The following GPC6 variants were observed in gnomAD, a reference collection of about 807,000 sequenced individuals.
The protein encoded by GPC6 is glypican-6.
A neutral mutation model predicts 55.2 loss-of-function variants in GPC6; 14 were observed. The observed-to-expected ratio is 0.25, with a 90% confidence interval of 0.17 to 0.40. The LOEUF is 0.40. GPC6 is among the 10% of genes least tolerant of loss of function. The pLI is 1.00. For synonymous variants in GPC6, 278 were observed against 259.6 expected (o/e 1.07, Z -0.68); for missense variants, 641 against 708.5 (o/e 0.90, Z 1.08).
At chr13:93,387,723 T>A (rs898165168) in intron 1 of GPC6, among the ~76,000 whole-genome samples, 9 of 152,186 alleles carry the variant, frequency 5.9e-5, no homozygotes, top group Non-Finnish European at 1.3e-4. Flanking sequence ...TGTAAAATGC[T>A]ATTAATTTGC....
chr13:93,606,123 CT>C (rs1230711534), intron 2 of GPC6, among the ~76,000 whole-genome samples: 1 of 152,108 alleles, frequency 6.6e-6, no homozygotes, highest in African/African-American at 2.4e-5. Flanking sequence ...TTCCATTTTA[CT>C]TTGTACTTGT....
chr13:93,375,122 A>G (rs1430800609), intron 1 of GPC6, among the ~76,000 whole-genome samples: 1 of 152,122 alleles, frequency 6.6e-6, no homozygotes, highest in Non-Finnish European at 1.5e-5. Flanking sequence ...CTCCTCTCCA[A>G]TATGGTATCA....
At chr13:93,923,786 A>G (rs1877700732) in intron 3 of GPC6, among the ~76,000 whole-genome samples, 1 of 152,340 alleles carries the variant, frequency 6.6e-6, no homozygotes, top group Middle Eastern at 3.4e-3. Context: ...TACTTTACAC[A>G]ATTACTGTCA....
intron 2 of GPC6, among the ~76,000 whole-genome samples, chr13:93,715,642 A>T (rs946742230): frequency 2.6e-5 from 4 of 151,688 alleles, no homozygotes; most frequent in Non-Finnish European, 5.9e-5. Flanking sequence ...ACAGAGAAAG[A>T]TATCAGTTTC....
upstream of GPC6, chr13:93,226,803 CCCT>C (rs1875801606): frequency 6.6e-6 from 1 of 152,436 alleles, no homozygotes; most frequent in East Asian, 1.9e-4. Flanking sequence ...TCTTTCTCCC[CCCT>C]CCTTTCTCCT....
chr13:93,238,841 A>C (rs1300916240), intron 1 of GPC6, among the ~76,000 whole-genome samples: 1 of 152,130 alleles, frequency 6.6e-6, no homozygotes, highest in Non-Finnish European at 1.5e-5. Context: ...TCATCTGCTA[A>C]AATGACCATA....
intron 2 of GPC6, among the ~76,000 whole-genome samples, chr13:93,572,977 G>A (rs1324827534): frequency 6.6e-6 from 1 of 152,092 alleles, no homozygotes; most frequent in Non-Finnish European, 1.5e-5. Flanking sequence ...GGCACATCAG[G>A]TCAGAATCAG....
At chr13:93,833,110 AGAGAGAGAGAG>A (rs1206293746) in intron 3 of GPC6, among the ~76,000 whole-genome samples, 1,047 of 17,122 alleles carry the variant, frequency 0.061, 25 homozygotes, top group African/African-American at 0.29. Flanking sequence ...TAGATGATAG[AGAGAGAGAGAG>A]AGAGAGAGAG....
intron 3 of GPC6, among the ~76,000 whole-genome samples, chr13:94,017,211 A>C (rs1882502008): frequency 6.6e-6 from 1 of 152,084 alleles, no homozygotes; most frequent in Non-Finnish European, 1.5e-5. Context: ...TTAATCTTGT[A>C]CCCTGTAACT....
chr13:93,590,238 A>C (rs2139505661), intron 2 of GPC6, among the ~76,000 whole-genome samples: 1 of 152,250 alleles, frequency 6.6e-6, no homozygotes, highest in African/African-American at 2.4e-5. Context: ...TTCCATTAAT[A>C]GTTTTGTGAA....
chr13:94,255,535 A>C (rs1254186970), intron 4 of GPC6, among the ~76,000 whole-genome samples: 1 of 152,154 alleles, frequency 6.6e-6, no homozygotes, highest in Non-Finnish European at 1.5e-5. Context: ...TGGTTTCAGC[A>C]TCCCTCTCTC....
intron 1 of GPC6, among the ~76,000 whole-genome samples, chr13:93,539,457 C>G (rs547315435): frequency 1.3e-5 from 2 of 151,978 alleles, no homozygotes; most frequent in African/African-American, 4.8e-5. Context: ...AAGAGGATCT[C>G]GGAAAGAATT....
intron 1 of GPC6, among the ~76,000 whole-genome samples, chr13:93,366,187 A>C (rs1881241452): frequency 6.6e-6 from 1 of 152,096 alleles, no homozygotes; most frequent in Non-Finnish European, 1.5e-5. Context: ...TTAGTAGGGC[A>C]TTGTATTTAT....
Position 94,278,637 on chromosome 13 carries a change from T to TA in GPC6, c.878-7710dup, listed in dbSNP as rs1192052967. On this transcript the variant is annotated intron_variant, in intron 4 of 8. Coordinates refer to ENST00000377047, the MANE Select transcript of GPC6 (RefSeq NM_005708.5). Reference sequence around the variant, plus strand: ...CAATACCTAGCTTATTGAGAGTTTTTAACATGAAGGGATGTTGAATTTTAT... The same window carrying TA: ...CAATACCTAGCTTATTGAGAGTTTTTAAACATGAAGGGATGTTGAATTTTAT... Among the ~76,000 whole-genome samples, 3 of 152,216 alleles carry TA rather than the reference T, an allele frequency of 2.0e-5. No individual in the cohort carries two copies. The East Asian group carries it at 5.8e-4, about 29-fold the overall frequency.
At chr13:93,670,050 A>G (rs753760908) in intron 2 of GPC6, among the ~76,000 whole-genome samples, 3 of 152,196 alleles carry the variant, frequency 2.0e-5, no homozygotes, top group Non-Finnish European at 2.9e-5. Context: ...ACGGGACTAA[A>G]TTGGAAATGT....
intron 2 of GPC6, among the ~76,000 whole-genome samples, chr13:93,588,126 A>G (rs1355678560): frequency 1.3e-5 from 2 of 152,214 alleles, no homozygotes; most frequent in Non-Finnish European, 2.9e-5. Context: ...ATTGTTTCAC[A>G]TTATGGTATG....
chr13:93,469,982 T>A (rs557971571), intron 1 of GPC6, among the ~76,000 whole-genome samples: 2 of 152,318 alleles, frequency 1.3e-5, no homozygotes, highest in South Asian at 4.1e-4. Context: ...TTGGTCAATG[T>A]GTATATCCTC....
intron 1 of GPC6, among the ~76,000 whole-genome samples, chr13:93,457,185 A>G (rs61964205): frequency 0.22 from 33,408 of 152,124 alleles, 4,164 homozygotes; most frequent in Middle Eastern, 0.37. Flanking sequence ...CATTAGTAGC[A>G]TGAGAATGGA....
At chr13:93,960,383 T>C (rs1879711842) in intron 3 of GPC6, among the ~76,000 whole-genome samples, 1 of 152,246 alleles carries the variant, frequency 6.6e-6, no homozygotes, top group Non-Finnish European at 1.5e-5. Context: ...TAGGCGGTAG[T>C]GTGTTTTGCA....
Sources: gnomAD v4.1 joint callset for allele counts (sites outside exome capture counted in the v4.1 genomes callset) on GRCh38, gnomAD v4.1.1 for gene constraint, MANE v1.5 for transcripts, NCBI Gene and HGNC (gene_info 2026-07-23, HGNC 2026-07-21) for gene names.